ENOX1: variants seen among roughly 807,000 people sequenced by gnomAD.
ENOX1 encodes candidate growth-related and time keeping constitutive hydroquinone (NADH) oxidase.
A neutral mutation model predicts 82.5 loss-of-function variants in ENOX1; 42 were observed. The observed-to-expected ratio is 0.51, with a 90% CI of 0.40 to 0.66. The LOEUF (loss-of-function observed/expected upper bound fraction) is 0.66. Among genes scored for constraint, ENOX1 ranks in the 30% least tolerant of loss-of-function variants. The pLI is 0.00. For missense variants in ENOX1, 608 were observed against 811.6 expected (o/e 0.75, Z 3.05); for synonymous variants, 271 against 282.2 (o/e 0.96, Z 0.40).
chr13:43,274,532 T>C (rs1037053255), intron 12 of ENOX1, among the ~76,000 whole-genome samples: 1 of 152,244 alleles, frequency 6.6e-6, no homozygotes, highest in African/African-American at 2.4e-5. Context: ...CTCTATAATA[T>C]TCTTTCCAGT....
chr13:43,290,696 C>T (rs2045951418), intron 12 of ENOX1, among the ~76,000 whole-genome samples: 1 of 152,184 alleles, frequency 6.6e-6, no homozygotes, highest in African/African-American at 2.4e-5. Flanking sequence ...GCAATATTCC[C>T]ATGTAACAAA....
intron 1 of ENOX1, among the ~76,000 whole-genome samples, chr13:43,785,363 C>T (rs1418812847): frequency 6.6e-6 from 1 of 152,150 alleles, no homozygotes; most frequent in East Asian, 1.9e-4. Flanking sequence ...AATTTCCTTC[C>T]CACTTTCTCC....
chr13:43,410,282 A>T (rs1241478826), intron 5 of ENOX1, among the ~76,000 whole-genome samples: 1 of 152,178 alleles, frequency 6.6e-6, no homozygotes, highest in African/African-American at 2.4e-5. Flanking sequence ...TGTGGGTGGA[A>T]AAATAGAAAT....
chr13:43,495,874 T>G (rs1470832922), intron 2 of ENOX1, among the ~76,000 whole-genome samples: 2 of 152,034 alleles, frequency 1.3e-5, no homozygotes, highest in Admixed American at 1.3e-4. Flanking sequence ...CTTTTTCTTG[T>G]GGATGTGAAG....
chr13:43,374,345 G>T (rs1420793755), intron 5 of ENOX1, among the ~76,000 whole-genome samples: 1 of 151,466 alleles, frequency 6.6e-6, no homozygotes, highest in Non-Finnish European at 1.5e-5. Flanking sequence ...TCCTGGGCTG[G>T]AGTGATTTTC....
intron 15 of ENOX1, among the ~76,000 whole-genome samples, chr13:43,225,393 C>T (rs1273590439): frequency 1.3e-5 from 2 of 152,140 alleles, no homozygotes; most frequent in African/African-American, 4.8e-5. Context: ...CAATCCTGCA[C>T]GTGTACCCCT....
At chr13:43,388,024 C>T (rs779058982) in intron 5 of ENOX1, among the ~76,000 whole-genome samples, 1 of 152,004 alleles carries the variant, frequency 6.6e-6, no homozygotes, top group Non-Finnish European at 1.5e-5. Flanking sequence ...TCAATGAAAC[C>T]GGAGGTTACT....
intron 2 of ENOX1, among the ~76,000 whole-genome samples, chr13:43,514,846 T>A (rs1439184888): frequency 1.7e-5 from 1 of 58,416 alleles, no homozygotes; most frequent in Non-Finnish European, 3.4e-5. Context: ...AGACAGGTGG[T>A]TTCTATGGAG....
At chr13:43,238,253 A>G (rs1455236158) in intron 14 of ENOX1, among the ~76,000 whole-genome samples, 2 of 152,192 alleles carry the variant, frequency 1.3e-5, no homozygotes, top group African/African-American at 2.4e-5. Context: ...CAAAAACAGG[A>G]TCTTGGGAGC....
rs35359203 is a variant in ENOX1, at chr13:43,772,749, T to TAAA, written c.-285+13900_-285+13902dup. On this transcript the variant is annotated intron_variant, in intron 1 of 16. Coordinates refer to ENST00000690772, the MANE Select transcript of ENOX1 (RefSeq NM_001347969.2). Reference sequence around the variant, plus strand: ...GGGCGACAGAGCAAGACTCTGTCTTTAAAAAAAAAAAAAAAAAAAAAAGAA... The same window carrying TAAA: ...GGGCGACAGAGCAAGACTCTGTCTTTAAAAAAAAAAAAAAAAAAAAAAAAAGAA... 6.7e-3 allele frequency among the ~76,000 whole-genome samples: 748 copies of TAAA among 112,072 alleles called. 12 individuals carry two copies. The highest frequency in any genetic ancestry group is 0.016 in the African/African-American group (427 of 25,922). The allele number at this position is 112,072 out of a possible 152,430, so 73.5% of individuals were successfully genotyped here.
At chr13:43,486,868 CT>C (rs1385696955) in intron 2 of ENOX1, among the ~76,000 whole-genome samples, 5 of 152,226 alleles carry the variant, frequency 3.3e-5, no homozygotes, top group Non-Finnish European at 5.9e-5. Context: ...ACAATAAGAA[CT>C]CATCAAAAGT....
At chr13:43,591,936 C>G (rs1035833666) in intron 2 of ENOX1, among the ~76,000 whole-genome samples, 4 of 152,020 alleles carry the variant, frequency 2.6e-5, no homozygotes, top group South Asian at 2.1e-4. Context: ...CAGCCCTGTG[C>G]CAGGGGACAC....
intron 2 of ENOX1, among the ~76,000 whole-genome samples, chr13:43,527,302 G>T (rs1371986197): frequency 6.6e-6 from 1 of 151,954 alleles, no homozygotes; most frequent in Non-Finnish European, 1.5e-5. Flanking sequence ...GATGTTCTGG[G>T]CCAAACCTCA....
chr13:43,594,026 A>T (rs1191267286), intron 2 of ENOX1, among the ~76,000 whole-genome samples: 1 of 152,022 alleles, frequency 6.6e-6, no homozygotes, highest in Non-Finnish European at 1.5e-5. Flanking sequence ...GCCAGGCCCC[A>T]TTGTGCTCGG....
At chr13:43,566,168 G>T (rs563664702) in intron 2 of ENOX1, among the ~76,000 whole-genome samples, 1 of 152,054 alleles carries the variant, frequency 6.6e-6, no homozygotes, top group African/African-American at 2.4e-5. Flanking sequence ...GTTGCTCTGG[G>T]GATGTTAGTG....
chr13:43,592,001 C>T (rs577588611), intron 2 of ENOX1, among the ~76,000 whole-genome samples: 30 of 152,296 alleles, frequency 2.0e-4, no homozygotes, highest in Middle Eastern at 6.8e-3. Flanking sequence ...GACTGGAGGG[C>T]CAGCCTGTGG....
At chr13:43,451,468 C>T (rs984666043) in intron 3 of ENOX1, among the ~76,000 whole-genome samples, 4 of 152,098 alleles carry the variant, frequency 2.6e-5, no homozygotes, top group Non-Finnish European at 5.9e-5. Flanking sequence ...CCATGAACTT[C>T]AATAGTGGCC....
chr13:43,242,581 A>G (rs2042890403), intron 14 of ENOX1, among the ~76,000 whole-genome samples: 1 of 152,228 alleles, frequency 6.6e-6, no homozygotes, highest in South Asian at 2.1e-4. Flanking sequence ...GAGACACTAA[A>G]TACTTGGGTT....
intron 2 of ENOX1, among the ~76,000 whole-genome samples, chr13:43,630,860 T>TATATACACACACACACAC (rs34023929): frequency 5.4e-5 from 8 of 147,798 alleles, no homozygotes; most frequent in African/African-American, 2.0e-4. Flanking sequence ...TATATATATA[T>TATATACACACACACACAC]ACACACACAC....
Sources: gnomAD v4.1 joint callset for allele counts (sites outside exome capture counted in the v4.1 genomes callset) on GRCh38, gnomAD v4.1.1 for gene constraint, MANE v1.5 for transcripts, NCBI Gene and HGNC (gene_info 2026-07-23, HGNC 2026-07-21) for gene names.